Variants in CWC27 observed in about 807,000 individuals in gnomAD.
The protein encoded by CWC27 is spliceosome-associated protein CWC27 homolog.
Under a neutral mutation model 63.6 loss-of-function variants are expected in CWC27, and 47 were observed. That is an observed-to-expected ratio of 0.74 (90% CI 0.58 to 0.94). The LOEUF (loss-of-function observed/expected upper bound fraction) is 0.94. Among genes scored for constraint, CWC27 ranks in the 40% least tolerant of loss-of-function variants. The pLI is 0.00. For synonymous variants in CWC27, 175 were observed against 179.8 expected (o/e 0.97, Z 0.22); for missense variants, 495 against 554.3 (o/e 0.89, Z 1.07).
chr5:64,776,811 A>G (rs955438378), intron 2 of CWC27, among the ~76,000 whole-genome samples: 15 of 152,154 alleles, frequency 9.9e-5, no homozygotes, highest in African/African-American at 3.6e-4. Flanking sequence ...AAGCAAATGA[A>G]TAAAACATGA....
chr5:64,901,647 G>A lies in CWC27; in HGVS notation c.1042+16101G>A, dbSNP rs113587349. 1.4e-3 allele frequency among the ~76,000 whole-genome samples: 213 copies of A among 152,104 alleles called. 1 individual carries two copies. The highest frequency in any genetic ancestry group is 4.0e-3 in the African/African-American group (166 of 41,512). On this transcript the variant is annotated intron_variant, in intron 11 of 13. Coordinates refer to ENST00000381070, the MANE Select transcript of CWC27 (RefSeq NM_005869.4). ...ACTGTGCATTTAGGCTGCACTGAAT[G>A]TATTTAAATTTTTTTCTCTCTTTAA...
At chr5:64,947,984 G>A (rs1290607716) in intron 11 of CWC27, among the ~76,000 whole-genome samples, 4 of 152,014 alleles carry the variant, frequency 2.6e-5, no homozygotes, top group African/African-American at 4.8e-5. Context: ...TATGGTCCTT[G>A]TCAGTTCTGC....
At chr5:64,807,528 C>A (rs1355404053) in intron 10 of CWC27, 3 of 1,451,556 alleles carry the variant, frequency 2.1e-6, no homozygotes, top group Non-Finnish European at 2.7e-6. Context: ...TATATCTATT[C>A]TGACTTCCTA....
chr5:64,791,543 C>T (rs1744080889), intron 7 of CWC27, among the ~76,000 whole-genome samples: 1 of 151,602 alleles, frequency 6.6e-6, no homozygotes, highest in African/African-American at 2.4e-5. Context: ...AAGAAAATTA[C>T]AACCCAAATA....
chr5:64,978,431 A>C, intron 13 of CWC27, among the ~76,000 whole-genome samples: 1 of 152,284 alleles, frequency 6.6e-6, no homozygotes, highest in East Asian at 1.9e-4. Flanking sequence ...ACTTATATAG[A>C]TTTGTTTATA....
intron 11 of CWC27, among the ~76,000 whole-genome samples, chr5:64,957,274 C>T (rs1242457013): frequency 6.6e-6 from 1 of 152,054 alleles, no homozygotes; most frequent in Non-Finnish European, 1.5e-5. Flanking sequence ...TTCTTTTTAT[C>T]TTGAAGAATT....
chr5:64,907,583 CA>C (rs1554023352), intron 11 of CWC27, among the ~76,000 whole-genome samples: 1 of 152,102 alleles, frequency 6.6e-6, no homozygotes, highest in Non-Finnish European at 1.5e-5. Context: ...TGGGGTTTTC[CA>C]AATACACAAT....
chr5:64,853,143 T>A (rs1226832649), intron 10 of CWC27, among the ~76,000 whole-genome samples: 1 of 152,192 alleles, frequency 6.6e-6, no homozygotes, highest in Non-Finnish European at 1.5e-5. Context: ...AGATTTGGGC[T>A]CAACAATATG....
intron 10 of CWC27, among the ~76,000 whole-genome samples, chr5:64,872,107 G>C (rs556390264): frequency 5.3e-5 from 8 of 152,110 alleles, no homozygotes; most frequent in Non-Finnish European, 1.2e-4. Context: ...CATCAGTATT[G>C]AGAGTTCAGA....
At chr5:64,918,869 G>A (rs1056579588) in intron 11 of CWC27, among the ~76,000 whole-genome samples, 1 of 151,952 alleles carries the variant, frequency 6.6e-6, no homozygotes, top group South Asian at 2.1e-4. Context: ...CCACCTCCAC[G>A]TCCATCCCTC....
At chr5:64,840,374 AAAAAAAAAAAAAAAAAAAAAATAT>A (rs1745775258) in intron 10 of CWC27, among the ~76,000 whole-genome samples, 1 of 54,730 alleles carries the variant, frequency 1.8e-5, no homozygotes, top group African/African-American at 8.1e-5. Context: ...AAAAAAAAAA[AAAAAAAAAAAAAAAAAAAAAATAT>A]ATATATATAT....
chr5:64,869,962 C>CA (rs913089370), intron 10 of CWC27, among the ~76,000 whole-genome samples: 2 of 151,980 alleles, frequency 1.3e-5, no homozygotes, highest in African/African-American at 2.4e-5. Flanking sequence ...CCCCTGCCCC[C>CA]ATGGCTCTTA....
intron 10 of CWC27, chr5:64,808,534 A>G (rs1255123068): frequency 6.0e-6 from 1 of 168,020 alleles, no homozygotes; most frequent in Non-Finnish European, 1.2e-5. Flanking sequence ...ATACATGAAC[A>G]AAAAATGAAT....
intron 10 of CWC27, among the ~76,000 whole-genome samples, chr5:64,878,562 A>G (rs1355757410): frequency 6.9e-6 from 1 of 145,194 alleles, no homozygotes; most frequent in Non-Finnish European, 1.5e-5. Context: ...TGCATATTAT[A>G]TATGTTGAAT....
chr5:65,004,861 C>CTT (rs1749799947), intron 13 of CWC27, among the ~76,000 whole-genome samples: 1 of 45,472 alleles, frequency 2.2e-5, no homozygotes, highest in Admixed American at 4.0e-4. Flanking sequence ...AAGACTTTTT[C>CTT]ATATATATAT....
At chr5:64,854,854 A>C (rs1342250714) in intron 10 of CWC27, among the ~76,000 whole-genome samples, 1 of 151,886 alleles carries the variant, frequency 6.6e-6, no homozygotes, top group Non-Finnish European at 1.5e-5. Context: ...ATTTTTTTTT[A>C]ATAACACTTG....
At chr5:64,821,317 G>A (rs946220764) in intron 10 of CWC27, among the ~76,000 whole-genome samples, 28 of 151,988 alleles carry the variant, frequency 1.8e-4, no homozygotes, top group Non-Finnish European at 2.6e-4. Flanking sequence ...TGTCTTGACC[G>A]CATGAGCCAC....
chr5:64,972,676 A>T, intron 12 of CWC27: 1 of 455,208 alleles, frequency 2.2e-6, no homozygotes, highest in Non-Finnish European at 4.4e-6. Context: ...ACTTGTTTTC[A>T]TGAAATCACA....
chr5:64,793,174 G>C (rs914403426), intron 7 of CWC27, among the ~76,000 whole-genome samples: 3 of 152,186 alleles, frequency 2.0e-5, no homozygotes, highest in Non-Finnish European at 4.4e-5. Context: ...AATTGGCCTA[G>C]TGGCCTTCAT....
Sources: allele counts gnomAD v4.1 joint callset (sites outside exome capture counted in the v4.1 genomes callset), GRCh38; gene constraint gnomAD v4.1.1; transcripts MANE v1.5; gene names NCBI Gene and HGNC (gene_info 2026-07-23, HGNC 2026-07-21).